FAM227B: variants seen among roughly 807,000 people sequenced by gnomAD.
FAM227B encodes protein FAM227B.
Under a neutral mutation model 73.8 loss-of-function variants are expected in FAM227B, and 88 were observed. The ratio of observed to expected loss-of-function variants is 1.19; its 90% confidence interval spans 1.00 to 1.42. The LOEUF (loss-of-function observed/expected upper bound fraction) is 1.42. Among genes scored for constraint, FAM227B ranks in the 40% most tolerant of loss-of-function variants. The probability of loss-of-function intolerance (pLI) is 0.00; values close to 1 mark genes in which losing one functional copy is unlikely to be tolerated. For missense variants in FAM227B, 632 were observed against 590.9 expected (o/e 1.07, Z -0.72); for synonymous variants, 210 against 190.5 (o/e 1.10, Z -0.84).
intron 5 of FAM227B, among the ~76,000 whole-genome samples, chr15:49,579,766 G>C (rs1476345420): frequency 6.6e-6 from 1 of 152,038 alleles, no homozygotes; most frequent in Admixed American, 6.6e-5. Flanking sequence ...ACAATGTATT[G>C]TATATTTCAA....
chr15:49,385,020 C>T (rs2046792587), intron 11 of FAM227B, among the ~76,000 whole-genome samples: 2 of 152,026 alleles, frequency 1.3e-5, no homozygotes, highest in Non-Finnish European at 2.9e-5. Flanking sequence ...ATTTCAGGAC[C>T]TTGCTCTTCC....
At chr15:49,469,084 G>T (rs1343968577) in intron 11 of FAM227B, among the ~76,000 whole-genome samples, 1 of 152,046 alleles carries the variant, frequency 6.6e-6, no homozygotes, top group Non-Finnish European at 1.5e-5. Flanking sequence ...ACTTATACAA[G>T]TTGTTTACAA....
intron 10 of FAM227B, among the ~76,000 whole-genome samples, chr15:49,530,009 G>T (rs2060492176): frequency 6.6e-6 from 1 of 151,494 alleles, no homozygotes; most frequent in Non-Finnish European, 1.5e-5. Context: ...TTAATCATTT[G>T]CCCTTAAGTT....
Position 49,611,207 on chromosome 15 carries a change from T to G in FAM227B, c.105+8A>C. The G allele has an allele frequency of 6.4e-7, 1 of 1,560,986 alleles. No individual in the cohort carries two copies. The highest frequency in any genetic ancestry group is 8.8e-7 in the Non-Finnish European group (1 of 1,134,728). The stretch of plus-strand genomic sequence containing the variant: ...GTAATGGCACATAAAATAAGATGCT[T>G]TACTCACCCAATTTTGAAACTTTAA... On this transcript the variant is annotated splice_region_variant and intron_variant, in intron 3 of 15. Coordinates refer to ENST00000299338, the MANE Select transcript of FAM227B (RefSeq NM_152647.3).
chr15:49,534,686 T>C (rs2060876906), intron 10 of FAM227B, among the ~76,000 whole-genome samples: 1 of 151,700 alleles, frequency 6.6e-6, no homozygotes, highest in Non-Finnish European at 1.5e-5. Flanking sequence ...TTCTCTAGGA[T>C]AGACCATATG....
chr15:49,527,853 GA>G (rs2060318205), intron 10 of FAM227B, among the ~76,000 whole-genome samples: 2 of 151,860 alleles, frequency 1.3e-5, no homozygotes, highest in African/African-American at 4.8e-5. Flanking sequence ...AGAAATCTCA[GA>G]AGACACAAAT....
At chr15:49,433,318 G>A (rs918921030) in intron 11 of FAM227B, among the ~76,000 whole-genome samples, 4 of 151,454 alleles carry the variant, frequency 2.6e-5, no homozygotes, top group East Asian at 3.9e-4. Flanking sequence ...GAGAAAATAA[G>A]TACCATATCT....
intron 11 of FAM227B, chr15:49,396,030 C>T (rs1274962885): frequency 4.4e-6 from 2 of 454,370 alleles, no homozygotes; most frequent in African/African-American, 2.0e-5. Flanking sequence ...CGGTCTACAG[C>T]TCCCAGCGTG....
intron 10 of FAM227B, among the ~76,000 whole-genome samples, chr15:49,508,596 A>C (rs2058751188): frequency 6.6e-6 from 1 of 152,058 alleles, no homozygotes; most frequent in African/African-American, 2.4e-5. Flanking sequence ...GGTAAATGGG[A>C]AAGTATGACA....
At chr15:49,497,928 A>C (rs1279166305) in intron 11 of FAM227B, among the ~76,000 whole-genome samples, 1 of 152,194 alleles carries the variant, frequency 6.6e-6, no homozygotes, top group East Asian at 1.9e-4. Context: ...TTTCTAGAGA[A>C]ATTCGTACAC....
At chr15:49,373,071 C>T (rs1196121983) in intron 11 of FAM227B, among the ~76,000 whole-genome samples, 1 of 151,748 alleles carries the variant, frequency 6.6e-6, no homozygotes, top group African/African-American at 2.4e-5. Context: ...TTCTTAAATA[C>T]ACATATAATA....
chr15:49,506,439 G>C (rs117520014), intron 11 of FAM227B, among the ~76,000 whole-genome samples: 1,956 of 152,062 alleles, frequency 0.013, 21 homozygotes, highest in Middle Eastern at 0.031. Context: ...CAGAAGATCT[G>C]AATAATACTA....
intron 12 of FAM227B, 112 bp downstream of exon 12, chr15:49,371,190 A>G (rs1374660356): frequency 3.8e-6 from 2 of 519,968 alleles, no homozygotes; most frequent in African/African-American, 2.0e-5. Context: ...CTTTTCCAAA[A>G]TATATGGTAA....
chr15:49,611,661 C>T (rs1313120849), intron 2 of FAM227B, among the ~76,000 whole-genome samples: 1 of 152,100 alleles, frequency 6.6e-6, no homozygotes, highest in East Asian at 1.9e-4. Flanking sequence ...AAAAAGTTAA[C>T]TAGTTACATA....
intron 11 of FAM227B, among the ~76,000 whole-genome samples, chr15:49,474,025 A>C (rs2055021177): frequency 6.6e-6 from 1 of 152,176 alleles, no homozygotes; most frequent in Non-Finnish European, 1.5e-5. Flanking sequence ...AAAATATACT[A>C]ACCTAAAACA....
chr15:49,422,175 CGCGT>C (rs1340852776), intron 11 of FAM227B, among the ~76,000 whole-genome samples: 8 of 127,372 alleles, frequency 6.3e-5, no homozygotes, highest in Non-Finnish European at 8.6e-5. Flanking sequence ...CGCGCGCGCG[CGCGT>C]GCACGCGTGT....
chr15:49,421,734 TC>T (rs2049641977), intron 11 of FAM227B, among the ~76,000 whole-genome samples: 1 of 152,198 alleles, frequency 6.6e-6, no homozygotes, highest in Admixed American at 6.5e-5. Flanking sequence ...AATATCTAAG[TC>T]CTAGGAATTC....
intron 9 of FAM227B, among the ~76,000 whole-genome samples, chr15:49,555,158 T>C (rs972161854): frequency 3.9e-5 from 6 of 152,232 alleles, no homozygotes; most frequent in African/African-American, 1.2e-4. Context: ...CTTTATGTGA[T>C]TGCTTTATAA....
intron 9 of FAM227B, among the ~76,000 whole-genome samples, chr15:49,559,327 G>C (rs2074042063): frequency 6.6e-6 from 1 of 152,120 alleles, no homozygotes. Context: ...AGGGGCTCCA[G>C]CTGTGTCTCT....
Sources: gnomAD v4.1 joint callset for allele counts (sites outside exome capture counted in the v4.1 genomes callset) on GRCh38, gnomAD v4.1.1 for gene constraint, MANE v1.5 for transcripts, NCBI Gene and HGNC (gene_info 2026-07-23, HGNC 2026-07-21) for gene names.